The following AAMDC variants were observed in gnomAD, a reference collection of about 807,000 sequenced individuals.
AAMDC encodes the protein adipogenesis associated Mth938 domain containing.
Under a neutral mutation model 15.5 loss-of-function variants are expected in AAMDC, and 16 were observed. That is an observed-to-expected ratio of 1.03 (90% CI 0.70 to 1.57). AAMDC has a LOEUF of 1.57. AAMDC is among the 40% of genes most tolerant of loss of function. AAMDC has a pLI of 0.00. For missense variants in AAMDC, 141 were observed against 144.9 expected, an observed-to-expected ratio of 0.97 and a Z score of 0.14; for synonymous variants, 51 against 51.6, an observed-to-expected ratio of 0.99 and a Z score of 0.05.
intron 1 of AAMDC, among the ~76,000 whole-genome samples, chr11:77,827,298 G>A (rs1277345510): frequency 6.6e-6 from 1 of 152,128 alleles, no homozygotes; most frequent in Non-Finnish European, 1.5e-5. Flanking sequence ...TATTCTGTGA[G>A]GACAGATTTT....
intron 2 of AAMDC, among the ~76,000 whole-genome samples, chr11:77,863,950 G>T (rs1816599642): frequency 6.6e-6 from 1 of 150,536 alleles, no homozygotes; most frequent in Non-Finnish European, 1.5e-5. Flanking sequence ...TTTTGAGACA[G>T]AGTTTCACTC....
chr11:77,876,690 T>A (rs1330522350), downstream of AAMDC, among the ~76,000 whole-genome samples: 1 of 152,164 alleles, frequency 6.6e-6, no homozygotes, highest in Non-Finnish European at 1.5e-5. Flanking sequence ...TGTCCCTTAG[T>A]GCATGTCTAC....
At chr11:77,837,411 C>T (rs147665741) in intron 1 of AAMDC, among the ~76,000 whole-genome samples, 1 of 150,126 alleles carries the variant, frequency 6.7e-6, no homozygotes, top group African/African-American at 2.5e-5. Context: ...GCTGGCATCA[C>T]AGATGTAAGC....
intron 1 of AAMDC, among the ~76,000 whole-genome samples, chr11:77,839,792 G>A (rs563670443): frequency 5.3e-5 from 8 of 152,178 alleles, no homozygotes; most frequent in South Asian, 2.1e-4. Flanking sequence ...ACACAGGGAG[G>A]GGAACAACAC....
chr11:77,841,005 T>G (rs915927046), intron 1 of AAMDC: 2 of 518,402 alleles, frequency 3.9e-6, no homozygotes, highest in Non-Finnish European at 3.4e-6. Flanking sequence ...TGAAAATAAT[T>G]TTTTTTCTCA....
intron 5 of AAMDC, among the ~76,000 whole-genome samples, chr11:77,883,075 A>AAATAAT (rs10687244): frequency 0.038 from 5,642 of 148,242 alleles, 204 homozygotes; most frequent in African/African-American, 0.094. Context: ...CTCCGTCTCA[A>AAATAAT]AATAATAATA....
chr11:77,847,647 G>A (rs982802031), intron 2 of AAMDC, among the ~76,000 whole-genome samples: 1 of 152,220 alleles, frequency 6.6e-6, no homozygotes, highest in Non-Finnish European at 1.5e-5. Flanking sequence ...TCAGAGTGAA[G>A]TTGGAAAATG....
intron 2 of AAMDC, among the ~76,000 whole-genome samples, chr11:77,845,313 T>G (rs1173463266): frequency 1.3e-5 from 2 of 152,208 alleles, no homozygotes; most frequent in Non-Finnish European, 2.9e-5. Flanking sequence ...TGTCTCAGAC[T>G]GGATAATCTC....
At chr11:77,878,807 T>C (rs1951680788) in intron 5 of AAMDC, 3 of 752,996 alleles carry the variant, frequency 4.0e-6, no homozygotes, top group Admixed American at 4.1e-5. Context: ...CAATTTATCC[T>C]GTGTTTGATA....
chr11:77,841,205 G>T, intron 1 of AAMDC: 1 of 702,304 alleles, frequency 1.4e-6, no homozygotes, highest in Non-Finnish European at 2.6e-6. Flanking sequence ...GAACCCTCAT[G>T]GCCTAATCAG....
At chr11:77,821,803 TG>T (rs1211889494) in intron 1 of AAMDC, among the ~76,000 whole-genome samples, 1 of 152,156 alleles carries the variant, frequency 6.6e-6, no homozygotes, top group Non-Finnish European at 1.5e-5. Context: ...ATGTGCAGCC[TG>T]AGAAGCAGCA....
intron 2 of AAMDC, among the ~76,000 whole-genome samples, chr11:77,847,337 C>G (rs993909783): frequency 5.3e-5 from 8 of 152,196 alleles, no homozygotes; most frequent in African/African-American, 1.9e-4. Context: ...TTTAAGGAAA[C>G]TTTGTAGGTT....
In AAMDC at chr11:77,839,907, A is replaced by G. The variant is rs551543645; in HGVS notation, c.-18-2572A>G. 2.2e-3 allele frequency among the ~76,000 whole-genome samples: 334 copies of G among 152,286 alleles called. 2 individuals carry two copies. The highest frequency in any genetic ancestry group is 7.8e-3 in the African/African-American group (326 of 41,560). ...AGGTGATGGGTTGATAGGTGCAGCA[A>G]ACCACCATGGCACATGTGTACCTAT... is the stretch of plus-strand genomic sequence containing the variant. On this transcript the variant is annotated intron_variant, in intron 1 of 3. Transcript: ENST00000393427.
At chr11:77,842,666 G>T in intron 2 of AAMDC, 38 bp downstream of exon 2, 1 of 1,600,486 alleles carries the variant, frequency 6.2e-7, no homozygotes, top group South Asian at 1.1e-5. Context: ...ACATGAGGCT[G>T]ACCAAGTGAT....
At chr11:77,875,548 A>C (rs1951571717), downstream of AAMDC, among the ~76,000 whole-genome samples, 1 of 152,148 alleles carries the variant, frequency 6.6e-6, no homozygotes, top group African/African-American at 2.4e-5. Context: ...CTTCTCCAAC[A>C]GAGAATGTGC....
At chr11:77,879,198 A>AAT in intron 5 of AAMDC, 2 of 1,533,422 alleles carry the variant, frequency 1.3e-6, no homozygotes, top group Non-Finnish European at 1.8e-6. Flanking sequence ...TGTGAAGTTA[A>AAT]AGAAATATCA....
chr11:77,901,366 T>G, downstream of AAMDC: 1 of 1,584,918 alleles, frequency 6.3e-7, no homozygotes, highest in Non-Finnish European at 8.7e-7. Flanking sequence ...CTGAATGCAT[T>G]TGAAGTATCT....
intron 1 of AAMDC, among the ~76,000 whole-genome samples, chr11:77,841,919 A>T (rs1273364321): frequency 6.6e-6 from 1 of 152,188 alleles, no homozygotes; most frequent in Admixed American, 6.5e-5. Context: ...TCCTTTGGCC[A>T]TGGCGGCAAG....
At chr11:77,874,177 G>A (rs988254376), downstream of AAMDC, among the ~76,000 whole-genome samples, 9 of 152,140 alleles carry the variant, frequency 5.9e-5, no homozygotes, top group Non-Finnish European at 1.5e-5. Context: ...AGAAGCAGAC[G>A]GGAGTGAGTG....
Sources: allele counts gnomAD v4.1 joint callset (sites outside exome capture counted in the v4.1 genomes callset), GRCh38; gene constraint gnomAD v4.1.1; transcripts MANE v1.5; gene names NCBI Gene and HGNC (gene_info 2026-07-23, HGNC 2026-07-21).